Variants in TTLL1 observed in about 807,000 individuals in gnomAD.
TTLL1 encodes the protein TTL family tubulin polyglutamylase complex subunit L1, also known as polyglutamylase complex subunit TTLL1.
Under a neutral mutation model 47.8 loss-of-function variants are expected in TTLL1, and 33 were observed. That is an observed-to-expected ratio of 0.69 (90% confidence interval 0.52 to 0.92). The LOEUF (loss-of-function observed/expected upper bound fraction) is 0.92. TTLL1 is among the 40% of genes least tolerant of loss of function. The pLI, the probability that TTLL1 is intolerant of heterozygous loss-of-function variation, is 0.00. For missense variants in TTLL1, 488 were observed against 547.5 expected (o/e 0.89, Z 1.08); for synonymous variants, 225 against 214.1 (o/e 1.05, Z -0.45).
chr22:43,048,022 G>A (rs1255351825), intron 9 of TTLL1, among the ~76,000 whole-genome samples: 1 of 151,962 alleles, frequency 6.6e-6, no homozygotes, highest in Non-Finnish European at 1.5e-5. Flanking sequence ...TGAAGATTAA[G>A]AATTGTTATT....
At position 43,046,549 on chromosome 22, in the gene TTLL1, A is replaced by T. The variant is rs774641978; in HGVS notation, c.1003T>A (p.Ser335Thr). 2 of 1,614,038 alleles carry T rather than the reference A, an allele frequency of 1.2e-6. No individual in the cohort carries two copies. Among genetic ancestry groups the T allele is most frequent in the Non-Finnish European group, 1.7e-6 (2 of 1,180,010 alleles). Residue 335 changes from serine to threonine, a missense_variant, in exon 10 of 11, where the codon TCC (serine) becomes ACC (threonine). Coordinates refer to ENST00000266254, the MANE Select transcript of TTLL1 (RefSeq NM_012263.5). ...AGGATTCGGTCATTGGCAGTGCTGG[A>T]CGTGAGAGACGGGGACGCATTCACC... ...IEVNASPSLTSSTANDRILKY... is the reference protein window; with the variant it reads ...IEVNASPSLTTSTANDRILKY...
At chr22:43,075,378 CAG>C in intron 3 of TTLL1, 94 bp downstream of exon 3, 1 of 959,088 alleles carries the variant, frequency 1.0e-6, no homozygotes, top group Non-Finnish European at 1.7e-6. Context: ...TGACAGGAGA[CAG>C]TGGCTCTGAG....
intron 10 of TTLL1, among the ~76,000 whole-genome samples, chr22:43,040,518 T>G (rs1925586667): frequency 6.6e-6 from 1 of 152,114 alleles, no homozygotes; most frequent in African/African-American, 2.4e-5. Flanking sequence ...CAATCTTGGC[T>G]CACTACAACC....
chr22:43,087,149 TC>T (rs1929275537), intron 1 of TTLL1, among the ~76,000 whole-genome samples: 1 of 152,152 alleles, frequency 6.6e-6, no homozygotes. Flanking sequence ...ATCTCAATCC[TC>T]CTGACTCCAC....
At chr22:43,085,739 G>A (rs1207574814) in intron 1 of TTLL1, among the ~76,000 whole-genome samples, 3 of 152,202 alleles carry the variant, frequency 2.0e-5, no homozygotes, top group Admixed American at 2.0e-4. Flanking sequence ...TTACAGATGA[G>A]GAAAATGGGG....
chr22:43,067,510 A>G (rs967884272), intron 5 of TTLL1, among the ~76,000 whole-genome samples: 1 of 151,902 alleles, frequency 6.6e-6, no homozygotes, highest in African/African-American at 2.4e-5. Context: ...GTAATCAAAA[A>G]GTGGCTGCAG....
chr22:43,063,712 C>T lies in TTLL1; in HGVS notation c.747+101G>A, dbSNP rs915973375. On this transcript the variant is annotated intron_variant, in intron 7 of 10. Coordinates refer to ENST00000266254, the MANE Select transcript of TTLL1 (RefSeq NM_012263.5). Reference sequence around the variant, plus strand: ...AACTCCTGACCTCAGGTGATCCACCCGCCTCAGCCTCCCAAAGTGCCGGGA... The same window carrying T: ...AACTCCTGACCTCAGGTGATCCACCTGCCTCAGCCTCCCAAAGTGCCGGGA... The T allele has an allele frequency of 9.4e-6, 10 of 1,061,980 alleles. No homozygotes were observed. In the Admixed American group the frequency reaches 1.1e-4, roughly 12 times the overall value. 65.8% of individuals were successfully genotyped at this position (1,061,980 alleles called of 1,614,324 possible).
chr22:43,080,572 G>T (rs1192512266), intron 1 of TTLL1, among the ~76,000 whole-genome samples: 2 of 151,986 alleles, frequency 1.3e-5, no homozygotes. Context: ...GCTGAGCTCA[G>T]CCCCTTCCCA....
At chr22:43,066,200 A>G (rs1003947030) in intron 5 of TTLL1, among the ~76,000 whole-genome samples, 4 of 151,928 alleles carry the variant, frequency 2.6e-5, no homozygotes, top group Non-Finnish European at 5.9e-5. Flanking sequence ...CTACTAGAAA[A>G]AAAATGGATG....
intron 8 of TTLL1, among the ~76,000 whole-genome samples, chr22:43,058,392 T>C (rs984597209): frequency 6.6e-6 from 1 of 152,072 alleles, no homozygotes; most frequent in African/African-American, 2.4e-5. Context: ...AATGTGAAGA[T>C]AAAAAAAGAG....
At chr22:43,053,051 ACT>A (rs1235827214) in intron 8 of TTLL1, among the ~76,000 whole-genome samples, 1 of 151,986 alleles carries the variant, frequency 6.6e-6, no homozygotes, top group East Asian at 1.9e-4. Flanking sequence ...CAAGAGCGAA[ACT>A]CTGTCTCAAA....
chr22:43,057,646 G>T (rs544568038), intron 8 of TTLL1, among the ~76,000 whole-genome samples: 6 of 152,074 alleles, frequency 3.9e-5, no homozygotes, highest in African/African-American at 1.4e-4. Context: ...TGAGTAGGTG[G>T]GTCTCTCAGG....
chr22:43,068,372 G>C, intron 5 of TTLL1, 38 bp downstream of exon 5: 1 of 1,437,952 alleles, frequency 7.0e-7, no homozygotes, highest in Non-Finnish European at 9.3e-7. Flanking sequence ...CGGTGAACTG[G>C]GACCTGGCAC....
rs539910829 is a variant in TTLL1, at chr22:43,045,906, A to G, written c.1142+504T>C. On this transcript the variant is annotated intron_variant, in intron 10 of 10. Transcript: ENST00000266254. ...TATGTTTTGAGTAGGAGCATACACA[A>G]TGATCAAGTTCAGCACCCAAACTGC... Among the ~76,000 whole-genome samples, 84 of 152,236 alleles carry G rather than the reference A, an allele frequency of 5.5e-4. 1 individual carries two copies. Among genetic ancestry groups the G allele is most frequent in the Non-Finnish European group, 9.1e-4 (62 of 68,012 alleles).
At chr22:43,072,896 G>A (rs1279985709) in intron 3 of TTLL1, among the ~76,000 whole-genome samples, 1 of 152,118 alleles carries the variant, frequency 6.6e-6, no homozygotes, top group African/African-American at 2.4e-5. Flanking sequence ...TCTATGCCCT[G>A]GCCTGTGGCC....
At chr22:43,067,636 G>A (rs140607240) in intron 5 of TTLL1, among the ~76,000 whole-genome samples, 42 of 152,164 alleles carry the variant, frequency 2.8e-4, no homozygotes, top group Non-Finnish European at 4.9e-4. Flanking sequence ...GATGACGCAC[G>A]CCTGTAAAAG....
intron 8 of TTLL1, among the ~76,000 whole-genome samples, chr22:43,057,483 C>A (rs1342646856): frequency 6.6e-6 from 1 of 152,120 alleles, no homozygotes; most frequent in Non-Finnish European, 1.5e-5. Flanking sequence ...GGGACACATA[C>A]CACAGCTGGC....
At chr22:43,086,141 CG>C (rs1477882301) in intron 1 of TTLL1, among the ~76,000 whole-genome samples, 1 of 152,062 alleles carries the variant, frequency 6.6e-6, no homozygotes, top group African/African-American at 2.4e-5. Context: ...AAACAGAAAA[CG>C]GAAGTGGGGT....
intron 9 of TTLL1, among the ~76,000 whole-genome samples, chr22:43,048,334 A>G (rs563630061): frequency 1.8e-4 from 28 of 151,730 alleles, no homozygotes; most frequent in Admixed American, 5.3e-4. Context: ...AAGAAAGAAA[A>G]AAAAAAAGAA....
Sources: allele counts gnomAD v4.1 joint callset (sites outside exome capture counted in the v4.1 genomes callset), GRCh38; gene constraint gnomAD v4.1.1; transcripts MANE v1.5; gene names NCBI Gene and HGNC (gene_info 2026-07-23, HGNC 2026-07-21).